Variants in PLOD2 observed in about 807,000 individuals in gnomAD.
The protein encoded by PLOD2 is lysine hydroxylase 2.
A neutral mutation model predicts 101.0 loss-of-function variants in PLOD2; 65 were observed. That is an observed-to-expected ratio of 0.64 (90% CI 0.53 to 0.79). The LOEUF (loss-of-function observed/expected upper bound fraction) is 0.79. Among genes scored for constraint, PLOD2 ranks in the 30% least tolerant of loss-of-function variants. PLOD2 has a pLI of 0.00. For synonymous variants in PLOD2, 314 were observed against 302.9 expected, an observed-to-expected ratio of 1.04 and a Z score of -0.38; for missense variants, 909 against 914.6, an observed-to-expected ratio of 0.99 and a Z score of 0.08.
chr3:146,127,809 G>A (rs1289960460), intron 1 of PLOD2, among the ~76,000 whole-genome samples: 1 of 152,084 alleles, frequency 6.6e-6, no homozygotes, highest in Non-Finnish European at 1.5e-5. Context: ...AAGCCACAAT[G>A]AGATACCATT....
chr3:146,123,339 C>T lies in PLOD2; in HGVS notation c.201+799G>A, dbSNP rs1436013721. 3.9e-6 allele frequency: 4 copies of T among 1,028,672 alleles called. No homozygotes were observed. The East Asian group carries it at 2.4e-4, about 61-fold the overall frequency. 63.7% of individuals were successfully genotyped at this position (1,028,672 alleles called of 1,614,324 possible). On this transcript the variant is annotated intron_variant, in intron 2 of 19. Coordinates refer to ENST00000282903, the MANE Select transcript of PLOD2 (RefSeq NM_182943.3). ...AGATCCTTCTTTCTATTAAAAAAAA[C>T]AAGTAAGTAAATAAAATGGCAGGCC...
At chr3:146,129,616 T>C (rs986164180) in intron 1 of PLOD2, among the ~76,000 whole-genome samples, 1 of 152,126 alleles carries the variant, frequency 6.6e-6, no homozygotes, top group African/African-American at 2.4e-5. Context: ...CTCCTACATA[T>C]GTGTTAGGCA....
At chr3:146,087,031 A>G in intron 9 of PLOD2, 123 bp from the exon 10 acceptor site, 1 of 508,430 alleles carries the variant, frequency 2.0e-6, no homozygotes. Context: ...TCAATTACAT[A>G]TAAAATAATA....
chr3:146,112,035 A>C (rs986221936), intron 3 of PLOD2, among the ~76,000 whole-genome samples: 2 of 152,034 alleles, frequency 1.3e-5, no homozygotes, highest in African/African-American at 2.4e-5. Context: ...ACGATTGGAG[A>C]CTCTGACTAA....
chr3:146,120,750 G>A (rs2030067653), intron 3 of PLOD2, among the ~76,000 whole-genome samples: 1 of 151,822 alleles, frequency 6.6e-6, no homozygotes, highest in African/African-American at 2.4e-5. Context: ...TTTTGAAATG[G>A]AGTCTTGCTC....
rs760770239 is a variant in PLOD2, at chr3:146,085,218, C to T, written c.1183G>A (p.Val395Ile). Residue 395 changes from valine (V) to isoleucine (I), a missense_variant, in exon 11 of 20, where the codon GTT (valine) becomes ATT (isoleucine). By Grantham distance (29) the Val-to-Ile change is conservative. Coordinates refer to ENST00000282903, the MANE Select transcript of PLOD2 (RefSeq NM_182943.3). ...AAAGTCCTTGGATTTGTCAAAACAA[C>T]ATCTGCATCCACACTAAAGTAATAA... ...CDYYFSVDAD[V>I]VLTNPRTLKI... is the part of the protein sequence containing the mutation. 1 of 1,608,388 alleles carries T rather than the reference C, an allele frequency of 6.2e-7. No individual in the cohort carries two copies. The highest frequency in any genetic ancestry group is 1.1e-5 in the South Asian group (1 of 90,850).
At chr3:146,100,017 G>T (rs1404027286) in intron 7 of PLOD2, among the ~76,000 whole-genome samples, 1 of 151,888 alleles carries the variant, frequency 6.6e-6, no homozygotes, top group Admixed American at 6.6e-5. Context: ...CAGTAGCTGG[G>T]ATTAAAGGCA....
intron 1 of PLOD2, among the ~76,000 whole-genome samples, chr3:146,138,175 T>C (rs780470041): frequency 3.3e-5 from 5 of 151,846 alleles, no homozygotes; most frequent in Non-Finnish European, 7.4e-5. Context: ...CCACATGAGG[T>C]TGTGAGCAGA....
intron 13 of PLOD2, 101 bp from the exon 14 acceptor site, chr3:146,078,025 C>T: frequency 1.3e-6 from 1 of 780,396 alleles, no homozygotes; most frequent in Non-Finnish European, 2.3e-6. Flanking sequence ...CAAAAGCTAA[C>T]ATTCTGAAAT....
At chr3:146,120,665 C>T (rs1393046171) in intron 3 of PLOD2, among the ~76,000 whole-genome samples, 1 of 152,164 alleles carries the variant, frequency 6.6e-6, no homozygotes. Context: ...AAGAAACTAC[C>T]ATCAGAGCGA....
intron 7 of PLOD2, among the ~76,000 whole-genome samples, chr3:146,092,709 G>A (rs1231592545): frequency 6.6e-6 from 1 of 152,036 alleles, no homozygotes; most frequent in Non-Finnish European, 1.5e-5. Flanking sequence ...GAGGGGTGGT[G>A]TGAAGGAAGA....
At chr3:146,129,600 C>T (rs539264494) in intron 1 of PLOD2, among the ~76,000 whole-genome samples, 121 of 152,226 alleles carry the variant, frequency 7.9e-4, no homozygotes, top group African/African-American at 2.7e-3. Flanking sequence ...AAGCAGTCGA[C>T]ACAAACTCCT....
At chr3:146,099,079 T>C (rs1230245176) in intron 7 of PLOD2, among the ~76,000 whole-genome samples, 1 of 152,118 alleles carries the variant, frequency 6.6e-6, no homozygotes, top group African/African-American at 2.4e-5. Context: ...TATTGTCTAA[T>C]AGAATAACAA....
chr3:146,085,305 G>A (rs373175458), intron 10 of PLOD2, 32 bp from the exon 11 acceptor site: 4 of 1,057,624 alleles, frequency 3.8e-6, no homozygotes, highest in African/African-American at 1.6e-5. Flanking sequence ...AAATGGGCAT[G>A]ACATAAAATA....
rs922417123 is a variant in PLOD2, at chr3:146,121,264, A to G, written c.202-16T>C. 1.2e-5 allele frequency: 19 copies of G among 1,609,736 alleles called. No homozygotes were observed. The highest frequency in any genetic ancestry group is 1.7e-5 in the Admixed American group (1 of 59,914). On this transcript the variant is annotated splice_polypyrimidine_tract_variant and intron_variant, in intron 2 of 19. Transcript: ENST00000282903. ...GACCAAGGACCTATAAACAAAATCA[A>G]CATTTCATTCCTGAGCAAAACTCAA...
chr3:146,108,194 T>G (rs1450206339), intron 4 of PLOD2, among the ~76,000 whole-genome samples: 1 of 152,080 alleles, frequency 6.6e-6, no homozygotes. Context: ...TGTTGTTGTT[T>G]TTGGAGATGG....
chr3:146,142,642 T>C (rs775777667), intron 1 of PLOD2, among the ~76,000 whole-genome samples: 7 of 152,132 alleles, frequency 4.6e-5, no homozygotes, highest in Non-Finnish European at 1.0e-4. Context: ...GTAGGGTCTG[T>C]TCCAGGCACA....
chr3:146,135,094 A>T (rs1192889225), intron 1 of PLOD2, among the ~76,000 whole-genome samples: 2 of 152,192 alleles, frequency 1.3e-5, no homozygotes, highest in Non-Finnish European at 2.9e-5. Context: ...ACATAATAAC[A>T]TGATTTTTAT....
chr3:146,083,331 G>C (rs764755), intron 11 of PLOD2, among the ~76,000 whole-genome samples: 78,602 of 151,972 alleles, frequency 0.52, 20,447 homozygotes, highest in East Asian at 0.56. Flanking sequence ...TGATGAGAAG[G>C]TAGAAAGCCA....
Sources: gnomAD v4.1 joint callset for allele counts (sites outside exome capture counted in the v4.1 genomes callset) on GRCh38, gnomAD v4.1.1 for gene constraint, MANE v1.5 for transcripts, NCBI Gene and HGNC (gene_info 2026-07-23, HGNC 2026-07-21) for gene names.